VWA3B: variants seen among roughly 807,000 people sequenced by gnomAD.
The protein encoded by VWA3B is von Willebrand factor A domain-containing protein 3B.
A neutral mutation model predicts 158.3 loss-of-function variants in VWA3B; 138 were observed. The observed-to-expected ratio is 0.87, with a 90% confidence interval of 0.76 to 1.00. The LOEUF is 1.00. VWA3B is among the 50% of genes least tolerant of loss of function. The pLI is 0.00. For missense variants in VWA3B, 1,555 were observed against 1,565.1 expected (o/e 0.99, Z 0.11); for synonymous variants, 596 against 587.3 (o/e 1.01, Z -0.21).
At chr2:98,138,434 A>G (rs978729947) in intron 7 of VWA3B, among the ~76,000 whole-genome samples, 6 of 152,222 alleles carry the variant, frequency 3.9e-5, no homozygotes, top group African/African-American at 1.4e-4. Flanking sequence ...TAAAAATTCC[A>G]TAATTGTATT....
intron 7 of VWA3B, among the ~76,000 whole-genome samples, chr2:98,149,570 C>G (rs941866898): frequency 6.6e-5 from 10 of 152,180 alleles, no homozygotes; most frequent in African/African-American, 2.4e-4. Context: ...ACACCTTATG[C>G]AAACGTTTGA....
chr2:98,267,742 G>A (rs375719716), intron 21 of VWA3B, among the ~76,000 whole-genome samples: 1 of 151,860 alleles, frequency 6.6e-6, no homozygotes, highest in African/African-American at 2.4e-5. Context: ...AAAATTAATG[G>A]ATCCAGGAGC....
chr2:98,253,660 T>C (rs1254027427), intron 20 of VWA3B, among the ~76,000 whole-genome samples: 2 of 152,178 alleles, frequency 1.3e-5, no homozygotes, highest in Non-Finnish European at 2.9e-5. Context: ...CTGGGCCGGC[T>C]GCTTCTTGGC....
In VWA3B at chr2:98,300,131, A is replaced by G. The variant is rs1333976056; in HGVS notation, c.3335A>G (p.Tyr1112Cys). 6.2e-7 allele frequency: 1 copy of G among 1,614,234 alleles called. No homozygotes were observed. The highest frequency in any genetic ancestry group is 2.2e-5 in the East Asian group (1 of 44,892). ...GTGATACCCAAAGGATTTGACTTCT[A>G]TGTCCCTGCCATTGTCATAGCACTT... ...KIVIPKGFDFYVPAIVIALPN... is the reference protein window; with the variant it reads ...KIVIPKGFDFCVPAIVIALPN... The change falls in exon 25 of 28, where the codon TAT (tyrosine) becomes TGT (cysteine). Residue 1112 changes from tyrosine to cysteine, a missense_variant. Coordinates refer to ENST00000477737, the MANE Select transcript of VWA3B (RefSeq NM_144992.5).
At chr2:98,176,289 C>T (rs1391282577) in intron 8 of VWA3B, among the ~76,000 whole-genome samples, 1 of 148,634 alleles carries the variant, frequency 6.7e-6, no homozygotes, top group Non-Finnish European at 1.5e-5. Flanking sequence ...CCCTTCCCTC[C>T]CTCCCTCCCT....
chr2:98,121,311 G>A lies in VWA3B; in HGVS notation c.555G>A (p.Glu185=), dbSNP rs755880585. The change falls in exon 5 of 28, where the codon GAG becomes GAA. Residue 185 remains glutamate, a synonymous_variant. Transcript: ENST00000477737. ...TGATCCTTTTCAGGGTTTCTCAAGA[G>A]CCTGTGAAGTGGCAGGAAAATGCTA... ...TEFNIIRVSQ[E]PVKWQENATP... 4.3e-6 allele frequency: 7 copies of A among 1,613,652 alleles called. No homozygotes were observed.
rs553257845 is a variant in VWA3B, at chr2:98,185,139, C to T, written c.1312-2836C>T. Among the ~76,000 whole-genome samples, 145 of 152,326 alleles carry T rather than the reference C, an allele frequency of 9.5e-4. 1 individual carries two copies. The Middle Eastern group carries it at 0.01, about 11-fold the overall frequency. On this transcript the variant is annotated intron_variant, in intron 9 of 27. Transcript: ENST00000477737. ...TTACAAATAACTGTGTAATCATAAG[C>T]CACATCCTCAGTTCCAAACTGTCTG...
intron 2 of VWA3B, among the ~76,000 whole-genome samples, chr2:98,112,094 T>C (rs1440266662): frequency 6.6e-6 from 1 of 152,210 alleles, no homozygotes; most frequent in African/African-American, 2.4e-5. Context: ...TTTTATATAG[T>C]GAAAGGTAGG....
chr2:98,215,653 G>T (rs1456160263), intron 13 of VWA3B, among the ~76,000 whole-genome samples: 1 of 151,594 alleles, frequency 6.6e-6, no homozygotes, highest in Non-Finnish European at 1.5e-5. Context: ...CAGCAGCTGG[G>T]ACTACAGGCT....
intron 7 of VWA3B, among the ~76,000 whole-genome samples, chr2:98,134,625 C>T (rs796218723): frequency 9.9e-5 from 15 of 151,876 alleles, no homozygotes; most frequent in African/African-American, 3.1e-4. Context: ...AGCCCCTGTT[C>T]GATTGTTGGA....
At chr2:98,310,751 T>A (rs1332080558) in intron 26 of VWA3B, among the ~76,000 whole-genome samples, 1 of 152,206 alleles carries the variant, frequency 6.6e-6, no homozygotes, top group Admixed American at 6.5e-5. Flanking sequence ...AGCGCTGGCC[T>A]CAGATTTAAA....
chr2:98,282,985 A>G (rs1396552818), intron 22 of VWA3B, among the ~76,000 whole-genome samples: 1 of 152,348 alleles, frequency 6.6e-6, no homozygotes, highest in East Asian at 1.9e-4. Flanking sequence ...GAAGTGAGTG[A>G]TAACTATAGA....
chr2:98,130,955 T>C (rs902832625), intron 6 of VWA3B, among the ~76,000 whole-genome samples: 35 of 152,346 alleles, frequency 2.3e-4, no homozygotes, highest in African/African-American at 7.2e-4. Context: ...CTTCTGGCTA[T>C]TGTGAAATAT....
chr2:98,280,626 C>A (rs916879015), intron 22 of VWA3B, among the ~76,000 whole-genome samples: 1 of 152,162 alleles, frequency 6.6e-6, no homozygotes, highest in African/African-American at 2.4e-5. Context: ...GTGCCGGGCT[C>A]AGGAAGCAGC....
At chr2:98,321,246 G>A in the VWA3B span, among the ~76,000 whole-genome samples, 1 of 152,202 alleles carries the variant, frequency 6.6e-6, no homozygotes, top group Non-Finnish European at 1.5e-5. Flanking sequence ...GCAGAAGTTT[G>A]CTTCAGGGAT....
intron 21 of VWA3B, among the ~76,000 whole-genome samples, chr2:98,257,356 C>A (rs1687223398): frequency 1.3e-5 from 2 of 151,968 alleles, no homozygotes; most frequent in East Asian, 3.9e-4. Context: ...ACCACATTTT[C>A]TTTATCCATC....
intron 19 of VWA3B, among the ~76,000 whole-genome samples, chr2:98,244,490 C>T (rs1686269669): frequency 6.6e-6 from 1 of 152,214 alleles, no homozygotes; most frequent in East Asian, 1.9e-4. Flanking sequence ...TTAAATAGCA[C>T]AGTTACATTT....
intron 7 of VWA3B, among the ~76,000 whole-genome samples, chr2:98,149,247 C>G (rs897528580): frequency 6.6e-6 from 1 of 152,166 alleles, no homozygotes; most frequent in Admixed American, 6.5e-5. Flanking sequence ...ATTATTGTTA[C>G]TGGTGGAGGG....
rs1574110066 is a variant in VWA3B at position 98,217,858 on chromosome 2, G to C, written c.1849G>C (p.Val617Leu). ...CTTATCGTTTCAGCCACCTGAAACA[G>C]TTATAGACCAGGTCAAACGTTTTCA... is the stretch of plus-strand genomic sequence containing the variant. The part of the protein sequence containing the change: ...DGRPDQPPET[V>L]IDQVKRFQEI... The change falls in exon 14 of 28, where the codon GTT (valine) becomes CTT (leucine). Residue 617 changes from valine to leucine, a missense_variant. Physicochemically the swap from Val to Leu is conservative, Grantham distance 32 (BLOSUM62 1). Coordinates refer to ENST00000477737, the MANE Select transcript of VWA3B (RefSeq NM_144992.5). 1.2e-6 allele frequency: 2 copies of C among 1,604,002 alleles called. No individual in the cohort carries two copies. The highest frequency in any genetic ancestry group is 1.7e-6 in the Non-Finnish European group (2 of 1,176,774).
Sources: allele counts gnomAD v4.1 joint callset (sites outside exome capture counted in the v4.1 genomes callset), GRCh38; gene constraint gnomAD v4.1.1; transcripts MANE v1.5; gene names NCBI Gene and HGNC (gene_info 2026-07-23, HGNC 2026-07-21).